NELL1: variants seen among roughly 807,000 people sequenced by gnomAD.
NELL1 encodes the protein protein kinase C-binding protein NELL1.
Under a neutral mutation model 107.4 loss-of-function variants are expected in NELL1, and 76 were observed. That is an observed-to-expected ratio of 0.71 (90% CI 0.59 to 0.86). The LOEUF is 0.86. Among genes scored for constraint, NELL1 ranks in the 40% least tolerant of loss-of-function variants. The probability of loss-of-function intolerance (pLI) is 0.00; values close to 1 mark genes in which losing one functional copy is unlikely to be tolerated. For synonymous variants in NELL1, 353 were observed against 341.2 expected (o/e 1.03, Z -0.38); for missense variants, 1,024 against 1,005.5 (o/e 1.02, Z -0.25).
chr11:20,717,861 C>A (rs538967920), intron 2 of NELL1, among the ~76,000 whole-genome samples: 46 of 152,270 alleles, frequency 3.0e-4, no homozygotes, highest in African/African-American at 9.9e-4. Flanking sequence ...CAGTACCCAG[C>A]ACAATGTGTG....
intron 14 of NELL1, among the ~76,000 whole-genome samples, chr11:21,320,005 A>G (rs529821876): frequency 9.9e-5 from 15 of 151,134 alleles, no homozygotes; most frequent in Admixed American, 9.2e-4. Flanking sequence ...GGGAGAGTAT[A>G]GGAATTGGGG....
intron 14 of NELL1, among the ~76,000 whole-genome samples, chr11:21,272,957 A>G (rs1448294686): frequency 6.6e-6 from 1 of 152,182 alleles, no homozygotes; most frequent in East Asian, 1.9e-4. Context: ...TGGGGAAAAA[A>G]CAGAGCAGAA....
At chr11:20,798,671 G>T (rs1327134209) in intron 3 of NELL1, among the ~76,000 whole-genome samples, 1 of 152,150 alleles carries the variant, frequency 6.6e-6, no homozygotes, top group Non-Finnish European at 1.5e-5. Flanking sequence ...TGGGTGAAAG[G>T]CACCTCAGGC....
chr11:21,558,336 G>T (rs1856770029), intron 16 of NELL1, among the ~76,000 whole-genome samples: 1 of 151,508 alleles, frequency 6.6e-6, no homozygotes, highest in Non-Finnish European at 1.5e-5. Context: ...TATATTTATG[G>T]TGTACAACAT....
intron 12 of NELL1, among the ~76,000 whole-genome samples, chr11:21,009,326 A>G (rs1461059495): frequency 6.6e-6 from 1 of 152,110 alleles, no homozygotes; most frequent in African/African-American, 2.4e-5. Context: ...ACAGTAATTG[A>G]AGGTCTTCTG....
chr11:21,233,134 G>A (rs550262174), intron 14 of NELL1, among the ~76,000 whole-genome samples: 13 of 152,306 alleles, frequency 8.5e-5, no homozygotes, highest in South Asian at 2.1e-4. Context: ...ATGGGTTTCC[G>A]TGGTGGTCGA....
chr11:21,560,383 GT>G lies in NELL1; in HGVS notation c.1980+2del. The G allele has an allele frequency of 6.4e-7, 1 of 1,568,034 alleles. No individual in the cohort carries two copies. The highest frequency in any genetic ancestry group is 8.6e-7 in the Non-Finnish European group (1 of 1,159,250). ...CAGGTGTTCTGTCTGCTCCTGCAAG[GT>G]GAGGCTGATGTGGTGCAGCAGAAAT... On this transcript the variant is annotated splice_donor_variant, in intron 17 of 19. Coordinates refer to ENST00000357134, the MANE Select transcript of NELL1 (RefSeq NM_006157.5). LOFTEE classifies it high-confidence loss of function.
At chr11:21,181,724 T>C (rs1237635563) in intron 13 of NELL1, among the ~76,000 whole-genome samples, 1 of 151,932 alleles carries the variant, frequency 6.6e-6, no homozygotes, top group East Asian at 1.9e-4. Flanking sequence ...TATCGCAGGC[T>C]AAATTTTTCC....
At chr11:20,782,899 T>C (rs11823558) in intron 2 of NELL1, among the ~76,000 whole-genome samples, 44,143 of 152,096 alleles carry the variant, frequency 0.29, 7,240 homozygotes, top group African/African-American at 0.43. Flanking sequence ...GGATGTCTCT[T>C]GTTATGCTGA....
intron 15 of NELL1, among the ~76,000 whole-genome samples, chr11:21,424,277 G>T (rs538191676): frequency 5.3e-5 from 8 of 152,084 alleles, no homozygotes; most frequent in Non-Finnish European, 1.2e-4. Context: ...ATTGGAAGTG[G>T]GGACATTACT....
intron 4 of NELL1, among the ~76,000 whole-genome samples, chr11:20,877,470 G>A (rs1183790549): frequency 6.6e-6 from 1 of 152,192 alleles, no homozygotes; most frequent in Non-Finnish European, 1.5e-5. Context: ...TTCTTCATAA[G>A]TAGTGTTGTT....
chr11:21,517,774 C>T (rs1855605200), intron 15 of NELL1, among the ~76,000 whole-genome samples: 1 of 152,080 alleles, frequency 6.6e-6, no homozygotes. Context: ...GATTGATCTC[C>T]ATCACATAAT....
At chr11:21,225,649 A>G (rs1045261461) in intron 13 of NELL1, among the ~76,000 whole-genome samples, 4 of 152,058 alleles carry the variant, frequency 2.6e-5, no homozygotes, top group African/African-American at 9.7e-5. Flanking sequence ...CTATTTAATC[A>G]TCTTGATAAC....
chr11:21,045,949 C>T (rs906468550), intron 12 of NELL1, among the ~76,000 whole-genome samples: 2 of 152,044 alleles, frequency 1.3e-5, no homozygotes, highest in South Asian at 2.1e-4. Flanking sequence ...TTCTGGTTAT[C>T]GTTTGTTGTG....
intron 14 of NELL1, among the ~76,000 whole-genome samples, chr11:21,349,978 C>A (rs912416890): frequency 6.6e-6 from 1 of 151,998 alleles, no homozygotes; most frequent in South Asian, 2.1e-4. Context: ...AGACTTAGAC[C>A]TTTTACTTGC....
At chr11:20,924,508 C>G (rs1850448114) in intron 7 of NELL1, among the ~76,000 whole-genome samples, 1 of 152,130 alleles carries the variant, frequency 6.6e-6, no homozygotes, top group African/African-American at 2.4e-5. Context: ...TGTAGGTGAG[C>G]ACAGCTCAGC....
At chr11:21,521,612 G>T (rs1373871780) in intron 15 of NELL1, among the ~76,000 whole-genome samples, 5 of 152,002 alleles carry the variant, frequency 3.3e-5, no homozygotes, top group African/African-American at 1.2e-4. Flanking sequence ...ATCATTTCAT[G>T]TGTTTTGAAG....
At chr11:20,875,913 C>T (rs1849295598) in intron 4 of NELL1, among the ~76,000 whole-genome samples, 1 of 152,146 alleles carries the variant, frequency 6.6e-6, no homozygotes, top group Non-Finnish European at 1.5e-5. Context: ...CAAGGGTTTC[C>T]TAAGGGGATG....
intron 16 of NELL1, among the ~76,000 whole-genome samples, chr11:21,551,412 C>T (rs916273514): frequency 2.0e-5 from 3 of 152,022 alleles, no homozygotes; most frequent in Admixed American, 2.0e-4. Context: ...GCATCCCTGT[C>T]TTGTGCCAGT....
Sources: allele counts gnomAD v4.1 joint callset (sites outside exome capture counted in the v4.1 genomes callset), GRCh38; gene constraint gnomAD v4.1.1; transcripts MANE v1.5; gene names NCBI Gene and HGNC (gene_info 2026-07-23, HGNC 2026-07-21).